Variants in NPFFR2 observed in about 807,000 individuals in gnomAD.
NPFFR2 encodes neuropeptide FF receptor 2.
A neutral mutation model predicts 13.1 loss-of-function variants in NPFFR2; 15 were observed. The ratio of observed to expected loss-of-function variants is 1.15; its 90% CI spans 0.77 to 1.76. NPFFR2 has a LOEUF of 1.76. NPFFR2 is among the 40% of genes most tolerant of loss of function. The pLI is 0.00. For missense variants in NPFFR2, 572 were observed against 503.5 expected (o/e 1.14, Z -1.30); for synonymous variants, 190 against 175.7 (o/e 1.08, Z -0.65).
At chr4:72,075,146 T>C (rs9997329) in intron 1 of NPFFR2, among the ~76,000 whole-genome samples, 146,141 of 152,156 alleles carry the variant, frequency 0.96, 70,476 homozygotes, top group East Asian at 1. Flanking sequence ...GCAATCTAAT[T>C]AGCTGCCAGT....
At chr4:72,037,598 G>A (rs1436142975) in intron 1 of NPFFR2, among the ~76,000 whole-genome samples, 1 of 152,054 alleles carries the variant, frequency 6.6e-6, no homozygotes, top group Non-Finnish European at 1.5e-5. Context: ...TCGTAGTCTT[G>A]TGTTTCCCTT....
intron 1 of NPFFR2, among the ~76,000 whole-genome samples, chr4:72,042,081 G>T (rs1392518118): frequency 2.0e-5 from 3 of 152,040 alleles, no homozygotes; most frequent in Non-Finnish European, 2.9e-5. Context: ...GCTTGGCTGT[G>T]TCCCCCACCC....
At chr4:72,108,527 C>A (rs1721478308) in intron 1 of NPFFR2, among the ~76,000 whole-genome samples, 1 of 151,844 alleles carries the variant, frequency 6.6e-6, no homozygotes, top group African/African-American at 2.4e-5. Context: ...ATTTGTTTTA[C>A]TATATTTTAA....
intron 1 of NPFFR2, among the ~76,000 whole-genome samples, chr4:72,062,511 G>A (rs537845497): frequency 1.2e-5 from 1 of 82,876 alleles, no homozygotes; most frequent in South Asian, 4.7e-4. Flanking sequence ...TAGGTATACT[G>A]TAATAGATTG....
At chr4:72,092,466 G>C (rs1172295446) in intron 1 of NPFFR2, among the ~76,000 whole-genome samples, 2 of 151,964 alleles carry the variant, frequency 1.3e-5, no homozygotes, top group African/African-American at 2.4e-5. Context: ...CTGTGTTGCT[G>C]TCTATCTCAT....
intron 3 of NPFFR2, among the ~76,000 whole-genome samples, chr4:72,142,514 A>G (rs181248210): frequency 5.8e-4 from 88 of 152,270 alleles, no homozygotes; most frequent in African/African-American, 2.1e-3. Flanking sequence ...TTCTGCATCT[A>G]TCATGCTGGG....
chr4:72,105,719 T>G (rs542392265), intron 1 of NPFFR2, among the ~76,000 whole-genome samples: 1 of 152,154 alleles, frequency 6.6e-6, no homozygotes, highest in South Asian at 2.1e-4. Flanking sequence ...AAGAGACTAT[T>G]TATTTATATG....
intron 3 of NPFFR2, among the ~76,000 whole-genome samples, chr4:72,142,255 A>C (rs1474916744): frequency 6.6e-6 from 1 of 152,136 alleles, no homozygotes; most frequent in African/African-American, 2.4e-5. Context: ...TATCGCATTT[A>C]CATTTAAGGT....
chr4:72,052,844 C>T (rs146930223), intron 1 of NPFFR2, among the ~76,000 whole-genome samples: 33 of 152,068 alleles, frequency 2.2e-4, no homozygotes, highest in Middle Eastern at 6.8e-3. Flanking sequence ...TCTTTACAAT[C>T]GCTTATCTTA....
At chr4:72,125,652 G>A (rs752092994) in intron 1 of NPFFR2, among the ~76,000 whole-genome samples, 12 of 152,094 alleles carry the variant, frequency 7.9e-5, no homozygotes, top group South Asian at 4.1e-4. Flanking sequence ...GCTACTACAC[G>A]TTGTCTGCAT....
chr4:72,054,102 C>G (rs548577832), intron 1 of NPFFR2, among the ~76,000 whole-genome samples: 1 of 151,946 alleles, frequency 6.6e-6, no homozygotes, highest in East Asian at 1.9e-4. Context: ...TAGATTCAAT[C>G]CAACAAAATC....
chr4:72,132,551 T>C (rs1312777534), intron 2 of NPFFR2, among the ~76,000 whole-genome samples: 1 of 152,214 alleles, frequency 6.6e-6, no homozygotes, highest in Non-Finnish European at 1.5e-5. Context: ...AGTTCTGTCT[T>C]TAGGTCTTTG....
At chr4:72,119,844 C>G (rs1161760453) in intron 1 of NPFFR2, among the ~76,000 whole-genome samples, 2 of 152,178 alleles carry the variant, frequency 1.3e-5, no homozygotes, top group African/African-American at 4.8e-5. Flanking sequence ...AAGCATAAAA[C>G]TGGGGATCAT....
intron 1 of NPFFR2, among the ~76,000 whole-genome samples, chr4:72,112,529 A>G (rs1489681027): frequency 1.3e-5 from 2 of 151,964 alleles, no homozygotes; most frequent in African/African-American, 2.4e-5. Flanking sequence ...CCCATTACAT[A>G]AGGAGAACAG....
At chr4:72,044,863 A>AT (rs1719331890) in intron 1 of NPFFR2, among the ~76,000 whole-genome samples, 4 of 151,806 alleles carry the variant, frequency 2.6e-5, no homozygotes, top group Admixed American at 2.0e-4. Context: ...TACTGTGTTC[A>AT]TTTTTTTCCT....
intron 1 of NPFFR2, among the ~76,000 whole-genome samples, chr4:72,046,892 A>G (rs1719396243): frequency 6.6e-6 from 1 of 152,190 alleles, no homozygotes; most frequent in African/African-American, 2.4e-5. Context: ...ATGAAGAACA[A>G]TGTTTTAGAC....
intron 2 of NPFFR2, among the ~76,000 whole-genome samples, chr4:72,132,442 A>T (rs1228908544): frequency 6.6e-6 from 1 of 152,186 alleles, no homozygotes; most frequent in East Asian, 1.9e-4. Context: ...TATCGTGAAT[A>T]GTGCTGCAGT....
chr4:72,042,774 A>T (rs1226323442), intron 1 of NPFFR2, among the ~76,000 whole-genome samples: 1 of 152,232 alleles, frequency 6.6e-6, no homozygotes, highest in South Asian at 2.1e-4. Context: ...AGCATTCAAG[A>T]GAAAGCAGAG....
Position 72,147,408 on chromosome 4 carries a change from T to A in NPFFR2, c.859T>A (p.Trp287Arg), listed in dbSNP as rs776452369. The A allele has an allele frequency of 6.2e-7, 1 of 1,614,016 alleles. No homozygotes were observed. The highest frequency in any genetic ancestry group is 1.3e-5 in the African/African-American group (1 of 74,918). ...TGTGGCCCTGCTTTTTATTCTCTCA[T>A]GGCTGCCCCTGTGGACTCTAATGAT... is the stretch of plus-strand genomic sequence containing the variant. ...LIVALLFILSWLPLWTLMMLS... is the reference protein window; with the variant it reads ...LIVALLFILSRLPLWTLMMLS... Residue 287 changes from tryptophan (W) to arginine (R), a missense_variant, in exon 4 of 4, where the codon TGG (tryptophan) becomes AGG (arginine). By Grantham distance (101) the Trp-to-Arg change is moderately radical. Transcript: ENST00000308744.
Sources: gnomAD v4.1 joint callset for allele counts (sites outside exome capture counted in the v4.1 genomes callset) on GRCh38, gnomAD v4.1.1 for gene constraint, MANE v1.5 for transcripts, NCBI Gene and HGNC (gene_info 2026-07-23, HGNC 2026-07-21) for gene names.